The following NLE1 variants were observed in gnomAD, a reference collection of about 807,000 sequenced individuals.
NLE1 encodes notchless homolog 1.
A neutral mutation model predicts 62.8 loss-of-function variants in NLE1; 37 were observed. That is an observed-to-expected ratio of 0.59 (90% CI 0.45 to 0.78). The LOEUF (loss-of-function observed/expected upper bound fraction) is 0.78, where lower values mean the gene tolerates loss of function less well. NLE1 is among the 30% of genes least tolerant of loss of function. NLE1 has a pLI of 0.00. For synonymous variants in NLE1, 243 were observed against 253.0 expected (o/e 0.96, Z 0.37); for missense variants, 555 against 637.9 (o/e 0.87, Z 1.40).
In NLE1 at chr17:35,129,874, T is replaced by A; in HGVS notation, c.*2563A>T. ...CCCACTAGGAATGCAAACGAATGTA[T>A]TTTTCAACATCACTATAATGTTCCC... On this transcript the variant is annotated 3_prime_UTR_variant, in exon 13 of 13. Transcript: ENST00000442241. The A allele has an allele frequency of 7.1e-7, 1 of 1,415,780 alleles. No individual in the cohort carries two copies. Among genetic ancestry groups the A allele is most frequent in the Non-Finnish European group, 9.2e-7 (1 of 1,088,542 alleles). 87.7% of individuals were successfully genotyped at this position (1,415,780 alleles called of 1,614,324 possible). A position where few individuals can be genotyped will look rare whatever the true frequency, so the allele number is the denominator to read the frequency against.
At chr17:35,135,168 G>T in intron 10 of NLE1, 81 bp downstream of exon 10, 1 of 1,336,754 alleles carries the variant, frequency 7.5e-7, no homozygotes, top group Non-Finnish European at 1.1e-6. Flanking sequence ...ACCTGCCAAG[G>T]CCATACAGCT....
chr17:35,136,493 A>C lies in NLE1; in HGVS notation c.833T>G (p.Val278Gly). 6.2e-7 allele frequency: 1 copy of C among 1,613,222 alleles called. No individual in the cohort carries two copies. The highest frequency in any genetic ancestry group is 1.1e-5 in the South Asian group (1 of 91,044). Residue 278 changes from valine (V) to glycine (G), a missense_variant, in exon 8 of 13, where the codon GTG becomes GGG. Coordinates refer to ENST00000442241, the MANE Select transcript of NLE1 (RefSeq NM_018096.5). ...TIKVWRAHDG[V>G]LCRTLQGHGH... The stretch of plus-strand genomic sequence containing the variant: ...GTGGCCTTGCAGAGTCCGGCACAGC[A>C]CACCCTACGGGAGAGCGAGTCAGGT...
In NLE1 at chr17:35,132,419, AG is replaced by A; in HGVS notation, c.*17del. On this transcript the variant is annotated 3_prime_UTR_variant, in exon 13 of 13. Coordinates refer to ENST00000442241, the MANE Select transcript of NLE1 (RefSeq NM_018096.5). The stretch of plus-strand genomic sequence containing the variant: ...GAGGCCGAGTCGAGGTGGGGGTCAG[AG>A]AGAACTTCGGGCCGTCTCATCTCCT... 1 of 1,445,582 alleles carries A rather than the reference AG, an allele frequency of 6.9e-7. No homozygotes were observed. The highest frequency in any genetic ancestry group is 9.1e-7 in the Non-Finnish European group (1 of 1,096,588). 89.5% of individuals were successfully genotyped at this position (1,445,582 alleles called of 1,614,324 possible).
Position 35,130,702 on chromosome 17 carries a change from C to A in NLE1, c.*1735G>T. On this transcript the variant is annotated 3_prime_UTR_variant, in exon 13 of 13. Transcript: ENST00000442241. ...CTCCAAATCTGGGCTGGGTCTAGGT[C>A]CCTCATTAAAGAACTGCAGGTCATC... 2.2e-6 allele frequency: 1 copy of A among 445,202 alleles called. No individual in the cohort carries two copies. The highest frequency in any genetic ancestry group is 4.0e-6 in the Non-Finnish European group (1 of 247,168). 27.6% of individuals were successfully genotyped at this position (445,202 alleles called of 1,614,324 possible).
chr17:35,136,884 G>T, intron 7 of NLE1, 117 bp downstream of exon 7: 1 of 1,001,356 alleles, frequency 1.0e-6, no homozygotes. Context: ...CCTAGACCAG[G>T]GCTCCCAGCA....
At position 35,136,541 on chromosome 17, in the gene NLE1, C is replaced by T. The variant is rs151218416; in HGVS notation, c.829-44G>A. The T allele has an allele frequency of 4.0e-4, 641 of 1,582,778 alleles. 3 individuals carry two copies. In the East Asian group the frequency reaches 0.013, roughly 32 times the overall value. ...GGTCAGACACACACACTCCTCCCCA[C>T]GCCTGGGCGATTAGCCCCAGGAGAC... On this transcript the variant is annotated intron_variant, in intron 7 of 12. Transcript: ENST00000442241.
At position 35,142,226 on chromosome 17, in the gene NLE1, GACGCCCCCCGCCCCCATCCACGC is replaced by G; in HGVS notation, c.18+9_18+31del. ...GACCCGGGCCCTAGCGCCCCGCGGC[GACGCCCCCCGCCCCCATCCACGC>G]ACACCCACCGGCACTGCTGCCGCCA... On this transcript the variant is annotated intron_variant, in intron 1 of 12. Coordinates refer to ENST00000442241, the MANE Select transcript of NLE1 (RefSeq NM_018096.5). 2 of 1,556,158 alleles carry G rather than the reference GACGCCCCCCGCCCCCATCCACGC, an allele frequency of 1.3e-6. No homozygotes were observed. The highest frequency in any genetic ancestry group is 1.7e-6 in the Non-Finnish European group (2 of 1,153,518).
At position 35,129,367 on chromosome 17, in the gene NLE1, G is replaced by T. The variant is rs2091862314; in HGVS notation, c.*3070C>A. The T allele has an allele frequency of 4.4e-6, 7 of 1,582,890 alleles. No individual in the cohort carries two copies. In the East Asian group the frequency reaches 1.3e-4, roughly 30 times the overall value. ...CCTGACCCCAGTTGGGAGGGTGAAG[G>T]GACAGGAAGGACAGGACATATCTGA... On this transcript the variant is annotated 3_prime_UTR_variant, in exon 13 of 13. Transcript: ENST00000442241.
At chr17:35,139,471 G>A (rs1161369122) in intron 3 of NLE1, among the ~76,000 whole-genome samples, 157 bp from the exon 4 acceptor site, 1 of 152,218 alleles carries the variant, frequency 6.6e-6, no homozygotes, top group Non-Finnish European at 1.5e-5. Context: ...TACATCAGGA[G>A]GCCATTTCTT....
At chr17:35,142,204 C>T in intron 1 of NLE1, 54 bp downstream of exon 1, 1 of 1,581,992 alleles carries the variant, frequency 6.3e-7, no homozygotes, top group Non-Finnish European at 8.6e-7. Context: ...CCTCAGGGAC[C>T]CGGGCCCTAG....
Position 35,129,963 on chromosome 17 carries a change from A to G in NLE1, c.*2474T>C. ...GCCCATGATTGTGAGTAGGCTGGGA[A>G]GTCAAGGGCATTGAAAGAAATAGGG... On this transcript the variant is annotated 3_prime_UTR_variant, in exon 13 of 13. Coordinates refer to ENST00000442241, the MANE Select transcript of NLE1 (RefSeq NM_018096.5). 1 of 1,370,540 alleles carries G rather than the reference A, an allele frequency of 7.3e-7. No individual in the cohort carries two copies. The highest frequency in any genetic ancestry group is 9.4e-7 in the Non-Finnish European group (1 of 1,062,238). 84.9% of individuals were successfully genotyped at this position (1,370,540 alleles called of 1,614,324 possible).
chr17:35,142,238 C>T lies in NLE1; in HGVS notation c.18+20G>A. 2 of 1,552,398 alleles carry T rather than the reference C, an allele frequency of 1.3e-6. No individual in the cohort carries two copies. Among genetic ancestry groups the T allele is most frequent in the South Asian group, 1.2e-5 (1 of 85,376 alleles). ...AGCGCCCCGCGGCGACGCCCCCCGC[C>T]CCCATCCACGCACACCCACCGGCAC... On this transcript the variant is annotated intron_variant, in intron 1 of 12. Transcript: ENST00000442241.
chr17:35,141,952 G>T, intron 2 of NLE1, 27 bp downstream of exon 2: 1 of 1,548,402 alleles, frequency 6.5e-7, no homozygotes. Context: ...GGGTGGAGAT[G>T]CGAGGCCGCC....
Position 35,135,421 on chromosome 17 carries a change from A to G in NLE1, c.1042T>C (p.Ser348Pro). The G allele has an allele frequency of 6.2e-7, 1 of 1,614,112 alleles. No individual in the cohort carries two copies. The highest frequency in any genetic ancestry group is 8.5e-7 in the Non-Finnish European group (1 of 1,179,990). Residue 348 changes from serine to proline, a missense_variant, in exon 10 of 13, where the codon TCC (serine) becomes CCC (proline). By Grantham distance (74) the Ser-to-Pro change is moderately conservative (BLOSUM62 -1). Coordinates refer to ENST00000442241, the MANE Select transcript of NLE1 (RefSeq NM_018096.5). Reference sequence around the variant, plus strand: ...CACAGGAATAAGGTGAAGTCGTCGGAGCCAGACACCAGCCTCTCTGGACCC... The same window carrying G: ...CACAGGAATAAGGTGAAGTCGTCGGGGCCAGACACCAGCCTCTCTGGACCC... ...GQGPERLVSGSDDFTLFLWSP... is the reference protein window; with the variant it reads ...GQGPERLVSGPDDFTLFLWSP...
Position 35,129,685 on chromosome 17 carries a change from G to A in NLE1, c.*2752C>T. 6.2e-7 allele frequency: 1 copy of A among 1,606,896 alleles called. No individual in the cohort carries two copies. Among genetic ancestry groups the A allele is most frequent in the Non-Finnish European group, 8.5e-7 (1 of 1,177,132 alleles). ...TGAGCCCTGGGAAAAGAGGGGCCTT[G>A]GGGGTGGAGAGAAGTCCAAAGCCAG... On this transcript the variant is annotated 3_prime_UTR_variant, in exon 13 of 13. Transcript: ENST00000442241.
chr17:35,137,504 C>A, intron 6 of NLE1, 39 bp downstream of exon 6: 1 of 1,526,372 alleles, frequency 6.6e-7, no homozygotes, highest in African/African-American at 1.4e-5. Context: ...GGCTTTGATC[C>A]CCTGGCTCAT....
intron 6 of NLE1, 22 bp from the exon 7 acceptor site, chr17:35,137,215 C>A: frequency 6.3e-7 from 1 of 1,584,776 alleles, no homozygotes; most frequent in South Asian, 1.1e-5. Flanking sequence ...GGAGATGTGA[C>A]CTCATCTGTG....
In NLE1 at chr17:35,133,157, TC is replaced by T. The variant is rs2091887331; in HGVS notation, c.1445+13del. On this transcript the variant is annotated intron_variant, in intron 12 of 12. Coordinates refer to ENST00000442241, the MANE Select transcript of NLE1 (RefSeq NM_018096.5). ...AGGGCTGTGTATGCCAACCACCACT[TC>T]CCCCACACTCACATCCGGAGGCATT... 4 of 1,613,056 alleles carry T rather than the reference TC, an allele frequency of 2.5e-6. No individual in the cohort carries two copies. The highest frequency in any genetic ancestry group is 3.4e-6 in the Non-Finnish European group (4 of 1,179,138).
In NLE1 at chr17:35,129,655, C is replaced by G. The variant is rs2091864532; in HGVS notation, c.*2782G>C. 3 of 1,613,450 alleles carry G rather than the reference C, an allele frequency of 1.9e-6. No homozygotes were observed. The highest frequency in any genetic ancestry group is 2.5e-6 in the Non-Finnish European group (3 of 1,179,826). ...GGGTGGGGAAGTGGTGCAAGCCCTA[C>G]AAAGTGAGCCCTGGGAAAAGAGGGG... is the stretch of plus-strand genomic sequence containing the variant. On this transcript the variant is annotated 3_prime_UTR_variant, in exon 13 of 13. Transcript: ENST00000442241.
Sources: allele counts gnomAD v4.1 joint callset (sites outside exome capture counted in the v4.1 genomes callset), GRCh38; gene constraint gnomAD v4.1.1; transcripts MANE v1.5; gene names NCBI Gene and HGNC (gene_info 2026-07-23, HGNC 2026-07-21).